DTNB: variants seen among roughly 807,000 people sequenced by gnomAD.
DTNB encodes dystrobrevin beta, also known as DTN-B.
In DTNB, 63 loss-of-function variants were observed where a neutral mutation model predicts 90.7. The ratio of observed to expected loss-of-function variants is 0.69; its 90% CI spans 0.57 to 0.86. DTNB has a LOEUF of 0.86. Among genes scored for constraint, DTNB ranks in the 40% least tolerant of loss-of-function variants. The pLI is 0.00. For synonymous variants in DTNB, 277 were observed against 286.7 expected (o/e 0.97, Z 0.34); for missense variants, 744 against 807.1 (o/e 0.92, Z 0.95).
intron 8 of DTNB, among the ~76,000 whole-genome samples, chr2:25,538,776 AAAAC>A (rs1184794470): frequency 5.3e-5 from 8 of 152,032 alleles, no homozygotes; most frequent in Admixed American, 2.0e-4. Context: ...TAAAAGTTAT[AAAAC>A]AAATACCTAC....
At chr2:25,609,416 T>C (rs750344243) in intron 4 of DTNB, among the ~76,000 whole-genome samples, 11 of 151,818 alleles carry the variant, frequency 7.2e-5, no homozygotes, top group African/African-American at 2.4e-4. Context: ...CTGACCAACA[T>C]GAAGAAACTC....
chr2:25,419,428 G>A lies in DTNB; in HGVS notation c.1575+87C>T, dbSNP rs775296255. ...AAAACCCTCTTCAGAGATGATGTGC[G>A]GGGAGAAGAGGAGAAACATTTATAT... On this transcript the variant is annotated intron_variant, in intron 16 of 20. Transcript: ENST00000406818. The A allele has an allele frequency of 1.2e-5, 19 of 1,536,084 alleles. No individual in the cohort carries two copies. In the Admixed American group the frequency reaches 1.8e-4, roughly 14 times the overall value.
At chr2:25,471,001 G>C (rs2062696038) in intron 10 of DTNB, among the ~76,000 whole-genome samples, 1 of 152,166 alleles carries the variant, frequency 6.6e-6, no homozygotes, top group Admixed American at 6.5e-5. Context: ...AGCCACAAAG[G>C]GCAAGGAAGT....
At chr2:25,521,823 A>T (rs373475220) in intron 9 of DTNB, among the ~76,000 whole-genome samples, 3 of 152,260 alleles carry the variant, frequency 2.0e-5, no homozygotes, top group African/African-American at 7.2e-5. Context: ...CTTAGCCTGC[A>T]GGCTATAGTT....
chr2:25,584,375 T>C (rs1334275151), intron 6 of DTNB, among the ~76,000 whole-genome samples: 1 of 152,142 alleles, frequency 6.6e-6, no homozygotes, highest in Non-Finnish European at 1.5e-5. Flanking sequence ...TAAGCAAACA[T>C]GGGAATCCAT....
rs532841148 is a variant in DTNB, at chr2:25,611,885, A to T, written c.363-4564T>A. 4.0e-3 allele frequency among the ~76,000 whole-genome samples: 605 copies of T among 152,288 alleles called. 1 individual carries two copies. The highest frequency in any genetic ancestry group is 0.014 in the African/African-American group (587 of 41,552). On this transcript the variant is annotated intron_variant, in intron 4 of 20. Coordinates refer to ENST00000406818, the MANE Select transcript of DTNB (RefSeq NM_021907.5). ...TAATAAAGGAATTATTAAGAAAATA[A>T]GTCTGAATATCCCTGGAGTTATTTG... is the stretch of plus-strand genomic sequence containing the variant.
At chr2:25,455,902 T>C (rs924530877) in intron 10 of DTNB, among the ~76,000 whole-genome samples, 1 of 152,254 alleles carries the variant, frequency 6.6e-6, no homozygotes, top group African/African-American at 2.4e-5. Context: ...AGCGCTATGC[T>C]TTTATAAGCT....
chr2:25,379,314 C>T lies in DTNB; in HGVS notation c.*5G>A. The T allele has an allele frequency of 1.5e-6, 2 of 1,319,504 alleles. No individual in the cohort carries two copies. Among genetic ancestry groups the T allele is most frequent in the Non-Finnish European group, 9.8e-7 (1 of 1,024,922 alleles). 81.7% of individuals were successfully genotyped at this position (1,319,504 alleles called of 1,614,324 possible). On this transcript the variant is annotated 3_prime_UTR_variant, in exon 20 of 21. Transcript: ENST00000406818. ...CCTGAGCTTCCTCTGTGTCCGGCTC[C>T]TCTGCTAACCTGTGGCAGCATGGGC...
intron 10 of DTNB, among the ~76,000 whole-genome samples, chr2:25,471,550 A>G (rs1356039981): frequency 6.6e-6 from 1 of 151,980 alleles, no homozygotes; most frequent in East Asian, 1.9e-4. Context: ...TGTGCACCAC[A>G]AAGCCCGGCT....
In DTNB at chr2:25,459,251, G is replaced by A. The variant is rs116785314; in HGVS notation, c.1080-3757C>T. Among the ~76,000 whole-genome samples, 1,305 of 151,432 alleles carry A rather than the reference G, an allele frequency of 8.6e-3. 16 individuals carry two copies. The highest frequency in any genetic ancestry group is 0.022 in the African/African-American group (908 of 41,250). On this transcript the variant is annotated intron_variant, in intron 10 of 20. Coordinates refer to ENST00000406818, the MANE Select transcript of DTNB (RefSeq NM_021907.5). Reference sequence around the variant, plus strand: ...TTCTTAAATATTTTTTCTCCCTCTCGTCTGTTAGACTGCCTGACATTATCC... The same window carrying A: ...TTCTTAAATATTTTTTCTCCCTCTCATCTGTTAGACTGCCTGACATTATCC...
intron 2 of DTNB, among the ~76,000 whole-genome samples, chr2:25,650,613 GGTCTTTCC>G (rs2080691622): frequency 6.6e-6 from 1 of 152,168 alleles, no homozygotes; most frequent in Admixed American, 6.5e-5. Flanking sequence ...TTAGGAGTGG[GGTCTTTCC>G]CATTAAAGTG....
intron 12 of DTNB, among the ~76,000 whole-genome samples, chr2:25,438,010 G>T (rs2056400079): frequency 6.6e-6 from 1 of 152,224 alleles, no homozygotes; most frequent in Non-Finnish European, 1.5e-5. Flanking sequence ...AGGTGGTGAT[G>T]AAAGGGCTCT....
chr2:25,485,509 T>C (rs185070116), intron 9 of DTNB, among the ~76,000 whole-genome samples: 74 of 152,354 alleles, frequency 4.9e-4, no homozygotes, highest in Admixed American at 2.0e-3. Context: ...TCAACCATTA[T>C]AGCACAAATA....
At chr2:25,394,777 T>C (rs1368713644) in intron 16 of DTNB, among the ~76,000 whole-genome samples, 1 of 152,166 alleles carries the variant, frequency 6.6e-6, no homozygotes, top group Non-Finnish European at 1.5e-5. Flanking sequence ...TTTTACACTG[T>C]TGGTGGGAAT....
In DTNB at chr2:25,379,889, G is replaced by A. The variant is rs540498242; in HGVS notation, c.1880-566C>T. ...AGGGGAGACTGTGAAGGACACAGGAGCATAACATGAGGCTGTGGAGGGTGG... is the reference window on the plus strand; with the variant it reads ...AGGGGAGACTGTGAAGGACACAGGAACATAACATGAGGCTGTGGAGGGTGG... On this transcript the variant is annotated intron_variant, in intron 19 of 20. Transcript: ENST00000406818. The A allele has an allele frequency of 1.7e-3, 257 of 152,852 alleles. 1 individual carries two copies. Among genetic ancestry groups the A allele is most frequent in the Non-Finnish European group, 3.2e-3 (219 of 68,350 alleles). The allele number at this position is 152,852 out of a possible 1,614,324, so 9.5% of individuals were successfully genotyped here.
chr2:25,626,331 C>T (rs2074147659), intron 4 of DTNB, among the ~76,000 whole-genome samples: 1 of 152,120 alleles, frequency 6.6e-6, no homozygotes, highest in African/African-American at 2.4e-5. Context: ...TACAGAATAA[C>T]AATTTTTACT....
At chr2:25,601,064 A>T (rs2065780603) in intron 5 of DTNB, among the ~76,000 whole-genome samples, 1 of 152,232 alleles carries the variant, frequency 6.6e-6, no homozygotes, top group African/African-American at 2.4e-5. Flanking sequence ...TTTATCTCTA[A>T]GAAAAACAAT....
chr2:25,673,139 G>C lies in DTNB; in HGVS notation c.-2+247C>G, dbSNP rs1054004536. ...CGTTCCGGACCCCGATACCCCTCCC[G>C]GCCCGGGATCCGCCGCATCCCCTCT... On this transcript the variant is annotated intron_variant, in intron 1 of 20. Coordinates refer to ENST00000406818, the MANE Select transcript of DTNB (RefSeq NM_021907.5). Among the ~76,000 whole-genome samples the C allele has an allele frequency of 3.4e-4, 51 of 151,366 alleles. 1 individual carries two copies. The highest frequency in any genetic ancestry group is 1.5e-5 in the Non-Finnish European group (1 of 67,758).
Position 25,596,233 on chromosome 2 carries a change from G to C in DTNB, c.456C>G (p.Phe152Leu). The C allele has an allele frequency of 6.2e-7, 1 of 1,604,282 alleles. No individual in the cohort carries two copies. Among genetic ancestry groups the C allele is most frequent in the Non-Finnish European group, 8.5e-7 (1 of 1,176,076 alleles). Residue 152 changes from phenylalanine to leucine, a missense_variant, in exon 6 of 21, where the codon TTC (phenylalanine) becomes TTG (leucine). Physicochemically the swap from Phe to Leu is conservative, Grantham distance 22 (BLOSUM62 0). Coordinates refer to ENST00000406818, the MANE Select transcript of DTNB (RefSeq NM_021907.5). ...GKMLDKLRYV[F>L]SQMSDSNGLM... is the part of the protein sequence containing the mutation. The stretch of plus-strand genomic sequence containing the variant: ...AGCCATTGGAATCTGACATCTGGGA[G>C]AAAACATCTATGAGAACAAAACCAA...
Sources: allele counts gnomAD v4.1 joint callset (sites outside exome capture counted in the v4.1 genomes callset), GRCh38; gene constraint gnomAD v4.1.1; transcripts MANE v1.5; gene names NCBI Gene and HGNC (gene_info 2026-07-23, HGNC 2026-07-21).